MIR2052HG: variants seen among roughly 807,000 people sequenced by gnomAD.
MIR2052HG encodes the protein MIR2052 host gene.
At chr8:74,662,210 G>T (rs115927742) in intron 2 of MIR2052HG, among the ~76,000 whole-genome samples, 1,933 of 152,252 alleles carry the variant, frequency 0.013, 30 homozygotes, top group African/African-American at 0.045. Context: ...ATGGTCAGAA[G>T]TTGACTTGAA....
chr8:74,648,815 CT>C (rs1222394821), intron 2 of MIR2052HG, among the ~76,000 whole-genome samples: 1 of 152,008 alleles, frequency 6.6e-6, no homozygotes, highest in African/African-American at 2.4e-5. Flanking sequence ...CTCTATGTGC[CT>C]GATAGATCAT....
At chr8:74,690,149 A>G (rs1455960531) in intron 2 of MIR2052HG, among the ~76,000 whole-genome samples, 3 of 152,236 alleles carry the variant, frequency 2.0e-5, no homozygotes, top group Admixed American at 6.5e-5. Flanking sequence ...ACGTTGTTTT[A>G]TTACATGCTA....
intron 2 of MIR2052HG, among the ~76,000 whole-genome samples, chr8:74,627,559 T>C (rs1351593526): frequency 2.0e-5 from 3 of 152,244 alleles, no homozygotes. Flanking sequence ...AAATTAAAGC[T>C]ATTACTTAAG....
At chr8:74,682,708 A>T (rs79489612) in intron 2 of MIR2052HG, among the ~76,000 whole-genome samples, 4 of 152,176 alleles carry the variant, frequency 2.6e-5, no homozygotes, top group African/African-American at 9.6e-5. Flanking sequence ...TGGTGCAACC[A>T]CTAGGAACAT....
At chr8:74,672,395 G>A (rs1809002995) in intron 2 of MIR2052HG, among the ~76,000 whole-genome samples, 1 of 152,106 alleles carries the variant, frequency 6.6e-6, no homozygotes, top group African/African-American at 2.4e-5. Context: ...AAAGAGATGG[G>A]TAAAAGGATA....
At chr8:74,694,200 C>T (rs529841385) in intron 2 of MIR2052HG, among the ~76,000 whole-genome samples, 28 of 152,300 alleles carry the variant, frequency 1.8e-4, no homozygotes, top group African/African-American at 6.7e-4. Context: ...TGCAGACACT[C>T]CCCAGTACCA....
chr8:74,738,012 T>A (rs970947765), intron 4 of MIR2052HG, among the ~76,000 whole-genome samples: 1 of 151,900 alleles, frequency 6.6e-6, no homozygotes, highest in African/African-American at 2.4e-5. Flanking sequence ...GTATGTGTTA[T>A]CTATGTATGT....
At chr8:74,602,877 T>TTTCTTTTCTTTC (rs1808041801) in intron 1 of MIR2052HG, among the ~76,000 whole-genome samples, 1 of 53,798 alleles carries the variant, frequency 1.9e-5, no homozygotes, top group Admixed American at 1.8e-4. Context: ...TTCTTTCTTT[T>TTTCTTTTCTTTC]TTCTATTCAC....
Position 74,712,362 on chromosome 8 carries a change from C to T in MIR2052HG, n.371+8680C>T, listed in dbSNP as rs1237348230. On this transcript the variant is annotated intron_variant and non_coding_transcript_variant, in intron 4 of 6. Coordinates refer to ENST00000523442, the Ensembl canonical transcript of MIR2052HG. ...ATGAAATAAGCCTGGTTTTCAAATG[C>T]CCATCATTCTGGCTAAAGAAACTTA... Among the ~76,000 whole-genome samples, 4 of 152,232 alleles carry T rather than the reference C, an allele frequency of 2.6e-5. No homozygotes were observed. In the East Asian group the frequency reaches 7.7e-4, roughly 29 times the overall value.
intron 4 of MIR2052HG, among the ~76,000 whole-genome samples, chr8:74,735,684 G>A (rs1301553006): frequency 6.6e-6 from 1 of 152,172 alleles, no homozygotes. Flanking sequence ...TGTTGTGCTG[G>A]CCTTACACAT....
At chr8:74,602,855 T>TTCTC in intron 1 of MIR2052HG, among the ~76,000 whole-genome samples, 1 of 144,934 alleles carries the variant, frequency 6.9e-6, no homozygotes, top group Non-Finnish European at 1.5e-5. Context: ...CTTTCTTTCT[T>TTCTC]TCTTTCTTTC....
intron 2 of MIR2052HG, among the ~76,000 whole-genome samples, chr8:74,615,767 C>T (rs1808272264): frequency 6.6e-6 from 1 of 151,952 alleles, no homozygotes; most frequent in African/African-American, 2.4e-5. Flanking sequence ...CCCACTCCCC[C>T]CACCCCACAA....
intron 2 of MIR2052HG, among the ~76,000 whole-genome samples, chr8:74,669,861 A>T (rs1294776965): frequency 6.6e-6 from 1 of 152,124 alleles, no homozygotes; most frequent in African/African-American, 2.4e-5. Context: ...GTTAGTCTTA[A>T]ATTTGTTATT....
intron 2 of MIR2052HG, among the ~76,000 whole-genome samples, chr8:74,675,512 G>A (rs1180553815): frequency 6.6e-6 from 1 of 151,928 alleles, no homozygotes; most frequent in South Asian, 2.1e-4. Flanking sequence ...ATAGGGAGTG[G>A]GGGGTCCTGG....
intron 4 of MIR2052HG, among the ~76,000 whole-genome samples, chr8:74,715,534 T>C (rs1809511501): frequency 6.6e-6 from 1 of 152,230 alleles, no homozygotes. Context: ...TGTTTGTGAC[T>C]TGTGAACTGA....
At chr8:74,700,397 G>C (rs1200410469) in intron 2 of MIR2052HG, among the ~76,000 whole-genome samples, 1 of 152,126 alleles carries the variant, frequency 6.6e-6, no homozygotes, top group Non-Finnish European at 1.5e-5. Context: ...GTGTTGCCTT[G>C]TAGAAGTTTA....
At chr8:74,698,019 A>G (rs1481428217) in intron 2 of MIR2052HG, among the ~76,000 whole-genome samples, 1 of 152,166 alleles carries the variant, frequency 6.6e-6, no homozygotes, top group Non-Finnish European at 1.5e-5. Flanking sequence ...TAAAATTTAT[A>G]TGGAACCAAA....
chr8:74,756,587 G>A (rs528674662), intron 5 of MIR2052HG: 5 of 152,288 alleles, frequency 3.3e-5, no homozygotes, highest in African/African-American at 9.6e-5. Context: ...GATCAGAAAT[G>A]TAACATTTAT....
chr8:74,648,254 G>GGAGTGTCTGTCTTCTGTGGTTGA (rs1808714579), intron 2 of MIR2052HG, among the ~76,000 whole-genome samples: 1 of 152,080 alleles, frequency 6.6e-6, no homozygotes, highest in Admixed American at 6.6e-5. Flanking sequence ...GGCTGCTCTG[G>GGAGTGTCTGTCTTCTGTGGTTGA]GAGTGTCTGT....
Sources: gnomAD v4.1 joint callset for allele counts (sites outside exome capture counted in the v4.1 genomes callset) on GRCh38, gnomAD v4.1.1 for gene constraint, MANE v1.5 for transcripts, NCBI Gene and HGNC (gene_info 2026-07-23, HGNC 2026-07-21) for gene names.